IQUB: variants seen among roughly 807,000 people sequenced by gnomAD.
IQUB encodes IQ motif and ubiquitin domain containing, also known as IQ motif and ubiquitin-like domain-containing protein.
IQUB carries 86 observed loss-of-function variants against 86.4 expected under a neutral mutation model. The ratio of observed to expected loss-of-function variants is 1.00; its 90% CI spans 0.84 to 1.19. IQUB has a LOEUF of 1.19. Among genes scored for constraint, IQUB ranks in the 50% most tolerant of loss-of-function variants. The probability of loss-of-function intolerance (pLI) is 0.00; values close to 1 mark genes in which losing one functional copy is unlikely to be tolerated. For missense variants in IQUB, 946 were observed against 916.9 expected (o/e 1.03, Z -0.41); for synonymous variants, 289 against 304.5 (o/e 0.95, Z 0.53).
In IQUB at chr7:123,461,651, C is replaced by T. The variant is rs760216434; in HGVS notation, c.1759-46G>A. The T allele has an allele frequency of 4.1e-6, 6 of 1,475,748 alleles. No homozygotes were observed. The African/African-American group carries it at 5.7e-5, about 14-fold the overall frequency. The allele number at this position is 1,475,748 out of a possible 1,614,324, so 91.4% of individuals were successfully genotyped here. A position where few individuals can be genotyped will look rare whatever the true frequency, so the allele number is the denominator to read the frequency against. On this transcript the variant is annotated intron_variant, in intron 10 of 12. Coordinates refer to ENST00000324698, the MANE Select transcript of IQUB (RefSeq NM_178827.5). Reference sequence around the variant, plus strand: ...GAAAAAAAAGGTCTAAAAAGCCAGGCCAGGCCAAATATGATCCTAACCAAT... The same window carrying T: ...GAAAAAAAAGGTCTAAAAAGCCAGGTCAGGCCAAATATGATCCTAACCAAT...
At chr7:123,464,311 G>A (rs920680904) in intron 10 of IQUB, among the ~76,000 whole-genome samples, 2 of 151,812 alleles carry the variant, frequency 1.3e-5, no homozygotes, top group Admixed American at 1.3e-4. Flanking sequence ...TACATTTGAA[G>A]TTCTCTCAGA....
chr7:123,453,843 A>G (rs549042135), intron 12 of IQUB, among the ~76,000 whole-genome samples: 1 of 152,316 alleles, frequency 6.6e-6, no homozygotes, highest in African/African-American at 2.4e-5. Flanking sequence ...GTTTCTCTGT[A>G]ATTACTTAGT....
intron 10 of IQUB, among the ~76,000 whole-genome samples, chr7:123,464,061 TTTG>T (rs1794131728): frequency 6.6e-6 from 1 of 151,876 alleles, no homozygotes; most frequent in Non-Finnish European, 1.5e-5. Flanking sequence ...AATATGAGAA[TTTG>T]TTTTTTCAAA....
chr7:123,463,562 T>C (rs1195784512), intron 10 of IQUB, among the ~76,000 whole-genome samples: 2 of 151,840 alleles, frequency 1.3e-5, no homozygotes, highest in Non-Finnish European at 2.9e-5. Context: ...TCCATTTATA[T>C]GACCTTCTGA....
intron 9 of IQUB, among the ~76,000 whole-genome samples, chr7:123,466,850 C>A (rs1794286339): frequency 6.6e-6 from 1 of 152,060 alleles, no homozygotes; most frequent in Non-Finnish European, 1.5e-5. Context: ...TATGTTCTGG[C>A]AATCTGGGCC....
chr7:123,452,829 C>CA lies in IQUB; in HGVS notation c.2289dup (p.Asp764Ter). The CA allele has an allele frequency of 6.2e-7, 1 of 1,613,450 alleles. No homozygotes were observed. Among genetic ancestry groups the CA allele is most frequent in the Non-Finnish European group, 8.5e-7 (1 of 1,179,588 alleles). ...CTGATCTCATCAATTTCACCATCAT[C>CA]AAGTATAAATGAAGCCAGCACTGGA... is the stretch of plus-strand genomic sequence containing the variant. On this transcript the variant is annotated frameshift_variant, in exon 13 of 13. Coordinates refer to ENST00000324698, the MANE Select transcript of IQUB (RefSeq NM_178827.5). LOFTEE classifies it low-confidence loss of function (END_TRUNC).
In IQUB at chr7:123,469,326, T is replaced by G; in HGVS notation, c.1469A>C (p.Gln490Pro). Residue 490 changes from glutamine (Q) to proline (P), a missense_variant, in exon 9 of 13, where the codon CAG becomes CCG. Coordinates refer to ENST00000324698, the MANE Select transcript of IQUB (RefSeq NM_178827.5). Reference sequence around the variant, plus strand: ...CAGCTCTCTGGCTCTGATGGTGAACTGCGTATCCATCTCAATTGTTTTGCC... The same window carrying G: ...CAGCTCTCTGGCTCTGATGGTGAACGGCGTATCCATCTCAATTGTTTTGCC... The part of the protein sequence containing the change: ...PNGKTIEMDT[Q>P]FTIRARELQN... The G allele has an allele frequency of 6.2e-7, 1 of 1,608,532 alleles. No homozygotes were observed. The highest frequency in any genetic ancestry group is 8.5e-7 in the Non-Finnish European group (1 of 1,177,014).
At chr7:123,528,253 G>C (rs1451558532) in intron 1 of IQUB, among the ~76,000 whole-genome samples, 1 of 152,224 alleles carries the variant, frequency 6.6e-6, no homozygotes, top group Non-Finnish European at 1.5e-5. Context: ...ACCTCAGATG[G>C]AAATGCAGAA....
At chr7:123,491,219 T>C (rs941195199) in intron 7 of IQUB, among the ~76,000 whole-genome samples, 4 of 152,090 alleles carry the variant, frequency 2.6e-5, no homozygotes, top group African/African-American at 9.7e-5. Flanking sequence ...GCTGAAGCAG[T>C]ACTTAAGGGA....
At chr7:123,509,329 G>A (rs1226440687) in intron 3 of IQUB, among the ~76,000 whole-genome samples, 2 of 152,126 alleles carry the variant, frequency 1.3e-5, no homozygotes, top group East Asian at 1.9e-4. Flanking sequence ...ATGGAAATGT[G>A]CATTGACCTT....
chr7:123,480,194 G>A (rs547066777), intron 7 of IQUB, among the ~76,000 whole-genome samples: 3 of 152,110 alleles, frequency 2.0e-5, no homozygotes, highest in African/African-American at 4.8e-5. Flanking sequence ...AAACAGTACA[G>A]TTGATGTCAA....
At chr7:123,495,764 T>C (rs924352155) in intron 7 of IQUB, among the ~76,000 whole-genome samples, 2 of 152,172 alleles carry the variant, frequency 1.3e-5, no homozygotes, top group Non-Finnish European at 2.9e-5. Flanking sequence ...AGTATAACCC[T>C]GGATTTCTTC....
intron 8 of IQUB, among the ~76,000 whole-genome samples, chr7:123,473,878 C>A (rs944977226): frequency 2.0e-5 from 3 of 152,010 alleles, no homozygotes; most frequent in African/African-American, 7.2e-5. Flanking sequence ...AGCCACCATG[C>A]CCAGCCAAGT....
Position 123,503,245 on chromosome 7 carries a change from T to C in IQUB, c.651A>G (p.Gly217=). 1 of 1,612,138 alleles carries C rather than the reference T, an allele frequency of 6.2e-7. No individual in the cohort carries two copies. Among genetic ancestry groups the C allele is most frequent in the Non-Finnish European group, 8.5e-7 (1 of 1,178,882 alleles). The change falls in exon 4 of 13, where the codon GGA becomes GGG. Residue 217 remains glycine (G), a synonymous_variant. Coordinates refer to ENST00000324698, the MANE Select transcript of IQUB (RefSeq NM_178827.5). ...TTATGATTTGAGAGACATCAGTTAATCCATCTATTCTTCTGACTGGATACA... is the reference window on the plus strand; with the variant it reads ...TTATGATTTGAGAGACATCAGTTAACCCATCTATTCTTCTGACTGGATACA... The part of the protein sequence containing the change: ...PDLYPVRRID[G]LTDVSQIITV...
chr7:123,475,219 C>T (rs9641711), intron 8 of IQUB, among the ~76,000 whole-genome samples: 48,701 of 151,870 alleles, frequency 0.32, 8,011 homozygotes, highest in African/African-American at 0.39. Context: ...TTTCCTGGAA[C>T]AGAACAATTC....
At chr7:123,461,250 T>C in intron 11 of IQUB, 107 bp downstream of exon 11, 2 of 1,143,710 alleles carry the variant, frequency 1.7e-6, no homozygotes, top group East Asian at 2.4e-5. Flanking sequence ...TCTAGTGGAA[T>C]AGAGAGTCAT....
At chr7:123,489,835 T>C (rs375472684) in intron 7 of IQUB, among the ~76,000 whole-genome samples, 6 of 152,096 alleles carry the variant, frequency 3.9e-5, no homozygotes, top group Non-Finnish European at 5.9e-5. Context: ...ATATCAGAGA[T>C]AGTGGCTAAG....
At chr7:123,510,902 G>T (rs1320991956) in intron 2 of IQUB, among the ~76,000 whole-genome samples, 1 of 152,110 alleles carries the variant, frequency 6.6e-6, no homozygotes. Flanking sequence ...CTTAAGCTTT[G>T]GGAAGGGGAA....
At chr7:123,496,446 T>C (rs1293502936) in intron 7 of IQUB, among the ~76,000 whole-genome samples, 1 of 152,102 alleles carries the variant, frequency 6.6e-6, no homozygotes, top group Non-Finnish European at 1.5e-5. Context: ...TGAAATAATA[T>C]ACTAAAACTG....
Sources: gnomAD v4.1 joint callset for allele counts (sites outside exome capture counted in the v4.1 genomes callset) on GRCh38, gnomAD v4.1.1 for gene constraint, MANE v1.5 for transcripts, NCBI Gene and HGNC (gene_info 2026-07-23, HGNC 2026-07-21) for gene names.